The following OPCML variants were observed in gnomAD, a reference collection of about 807,000 sequenced individuals.
OPCML encodes opioid binding protein/cell adhesion molecule like, also known as opioid-binding protein/cell adhesion molecule.
OPCML carries 13 observed loss-of-function variants against 37.8 expected under a neutral mutation model. The ratio of observed to expected loss-of-function variants is 0.34; its 90% CI spans 0.22 to 0.55. OPCML has a LOEUF of 0.55. Ranked by LOEUF, OPCML falls within the 20% of genes least tolerant of loss-of-function variation. The pLI, the probability that OPCML is intolerant of heterozygous loss-of-function variation, is 0.91. For synonymous variants in OPCML, 176 were observed against 168.8 expected, an observed-to-expected ratio of 1.04 and a Z score of -0.33; for missense variants, 341 against 435.6, an observed-to-expected ratio of 0.78 and a Z score of 1.93.
chr11:132,479,475 C>T (rs1445925204), intron 4 of OPCML, among the ~76,000 whole-genome samples: 1 of 152,200 alleles, frequency 6.6e-6, no homozygotes, highest in Admixed American at 6.5e-5. Flanking sequence ...CCCAGGCTTG[C>T]TTAGGTAAAC....
At chr11:133,529,938 C>G (rs1408045856) in intron 1 of OPCML, among the ~76,000 whole-genome samples, 1 of 152,216 alleles carries the variant, frequency 6.6e-6, no homozygotes, top group Non-Finnish European at 1.5e-5. Flanking sequence ...CCGACACCTT[C>G]TAAGGCTAAC....
At chr11:133,426,520 A>G (rs1435146321) in intron 1 of OPCML, among the ~76,000 whole-genome samples, 1 of 152,164 alleles carries the variant, frequency 6.6e-6, no homozygotes, top group Non-Finnish European at 1.5e-5. Flanking sequence ...ATGATAAACC[A>G]GTGAAGGTGC....
chr11:132,472,367 G>C (rs1172947328), intron 4 of OPCML, among the ~76,000 whole-genome samples: 1 of 152,140 alleles, frequency 6.6e-6, no homozygotes, highest in African/African-American at 2.4e-5. Flanking sequence ...ATTCAGGAGA[G>C]AGCCGAGGGT....
intron 2 of OPCML, among the ~76,000 whole-genome samples, chr11:132,725,360 A>G (rs1455436728): frequency 1.3e-5 from 2 of 152,212 alleles, no homozygotes. Flanking sequence ...GCTGGGATCC[A>G]GGGTACCAAG....
rs551737579 is a variant in OPCML, at chr11:132,809,920, G to C, written c.146+133006C>G. ...GCTGGAGTGCAGTGGCGCGATCTCG[G>C]CTCACTGCAGGCTCCGCCTCCCGGG... On this transcript the variant is annotated intron_variant, in intron 2 of 7. Coordinates refer to ENST00000524381, the MANE Select transcript of OPCML (RefSeq NM_001012393.5). Among the ~76,000 whole-genome samples the C allele has an allele frequency of 8.5e-5, 13 of 152,250 alleles. No homozygotes were observed. In the East Asian group the frequency reaches 2.5e-3, roughly 30 times the overall value.
At position 133,304,895 on chromosome 11, in the gene OPCML, T is replaced by C. The variant is rs528808312; in HGVS notation, c.61+227369A>G. ...TGAGTTGATACAAAAGTAAAATTCA[T>C]TCACAACAATTTGCTGTATAGTCAA... On this transcript the variant is annotated intron_variant, in intron 1 of 7. Transcript: ENST00000524381. Among the ~76,000 whole-genome samples, 21 of 152,306 alleles carry C rather than the reference T, an allele frequency of 1.4e-4. No homozygotes were observed. In the East Asian group the frequency reaches 2.7e-3, roughly 20 times the overall value.
In OPCML at chr11:132,665,705, G is replaced by C. The variant is rs916696790; in HGVS notation, c.147-8386C>G. ...AACAAAATAATGAATGATTGAGCTGGTTTCTTCCCAGGCTCCAAGTCACTC... is the reference window on the plus strand; with the variant it reads ...AACAAAATAATGAATGATTGAGCTGCTTTCTTCCCAGGCTCCAAGTCACTC... On this transcript the variant is annotated intron_variant, in intron 2 of 7. Coordinates refer to ENST00000524381, the MANE Select transcript of OPCML (RefSeq NM_001012393.5). Among the ~76,000 whole-genome samples the C allele has an allele frequency of 2.0e-5, 3 of 152,160 alleles. No individual in the cohort carries two copies. In the East Asian group the frequency reaches 5.8e-4, roughly 29 times the overall value.
In OPCML at chr11:133,004,061, G is replaced by A. The variant is rs183440709; in HGVS notation, c.62-61051C>T. On this transcript the variant is annotated intron_variant, in intron 1 of 7. Coordinates refer to ENST00000524381, the MANE Select transcript of OPCML (RefSeq NM_001012393.5). ...AAATGCCAGCTGGGAAGGAGGAAGC[G>A]AAGAGGCAAAGAGCAGGGGCTGGCA... 102 of 985,394 alleles carry A rather than the reference G, an allele frequency of 1.0e-4. No homozygotes were observed. The African/African-American group carries it at 1.4e-3, about 14-fold the overall frequency. 61.0% of individuals were successfully genotyped at this position (985,394 alleles called of 1,614,324 possible).
intron 2 of OPCML, among the ~76,000 whole-genome samples, chr11:132,782,270 C>A (rs1196361967): frequency 6.6e-6 from 1 of 151,280 alleles, no homozygotes; most frequent in Non-Finnish European, 1.5e-5. Flanking sequence ...CCTCCTGTTG[C>A]CAGCTGGGTT....
At chr11:132,599,326 A>G (rs35367692) in intron 3 of OPCML, among the ~76,000 whole-genome samples, 60,759 of 144,538 alleles carry the variant, frequency 0.42, 13,437 homozygotes, top group Middle Eastern at 0.52. Flanking sequence ...GGAGGAGGAG[A>G]AGAAGGAGGA....
At chr11:132,932,388 G>A (rs1273667680) in intron 2 of OPCML, among the ~76,000 whole-genome samples, 1 of 152,130 alleles carries the variant, frequency 6.6e-6, no homozygotes, top group Non-Finnish European at 1.5e-5. Context: ...ACCTAGTGAG[G>A]TGGTGGCTAC....
intron 2 of OPCML, among the ~76,000 whole-genome samples, chr11:132,807,052 G>C (rs944015586): frequency 1.3e-5 from 2 of 152,080 alleles, no homozygotes; most frequent in African/African-American, 4.8e-5. Context: ...GTATAGTTTT[G>C]AAATGCCTGT....
chr11:132,716,412 G>GTCTATCTATCTA (rs61519269), intron 2 of OPCML, among the ~76,000 whole-genome samples: 43 of 104,008 alleles, frequency 4.1e-4, no homozygotes, highest in Admixed American at 1.4e-3. Context: ...CTATCTGTCT[G>GTCTATCTATCTA]TCTATCTATC....
At chr11:133,016,385 T>C (rs1947336046) in intron 1 of OPCML, among the ~76,000 whole-genome samples, 1 of 152,202 alleles carries the variant, frequency 6.6e-6, no homozygotes, top group Non-Finnish European at 1.5e-5. Context: ...GACCATGGGC[T>C]GCTCATGGAC....
intron 1 of OPCML, among the ~76,000 whole-genome samples, chr11:133,110,190 C>T (rs367773505): frequency 3.3e-4 from 51 of 152,256 alleles, no homozygotes; most frequent in African/African-American, 1.2e-3. Flanking sequence ...AGTCAAAAGA[C>T]ATGGATAAAA....
At chr11:132,479,795 C>G (rs558414475) in intron 4 of OPCML, among the ~76,000 whole-genome samples, 2 of 152,288 alleles carry the variant, frequency 1.3e-5, no homozygotes, top group Admixed American at 6.5e-5. Flanking sequence ...GGTACTCCAA[C>G]AGACCTGCAG....
chr11:133,438,214 A>G (rs1433955552), intron 1 of OPCML, among the ~76,000 whole-genome samples: 1 of 152,156 alleles, frequency 6.6e-6, no homozygotes, highest in Non-Finnish European at 1.5e-5. Context: ...TTTTATTCTT[A>G]TGTAAGAGGA....
chr11:133,459,679 A>G (rs1178110162), intron 1 of OPCML, among the ~76,000 whole-genome samples: 3 of 152,084 alleles, frequency 2.0e-5, no homozygotes, highest in Admixed American at 6.6e-5. Flanking sequence ...TTTGCCAACA[A>G]CTATAAGCAT....
At chr11:132,626,468 A>G (rs1377490881) in intron 3 of OPCML, among the ~76,000 whole-genome samples, 1 of 152,196 alleles carries the variant, frequency 6.6e-6, no homozygotes, top group Non-Finnish European at 1.5e-5. Flanking sequence ...TTGGGAAAGA[A>G]ATAAGATTAA....
Sources: allele counts gnomAD v4.1 joint callset (sites outside exome capture counted in the v4.1 genomes callset), GRCh38; gene constraint gnomAD v4.1.1; transcripts MANE v1.5; gene names NCBI Gene and HGNC (gene_info 2026-07-23, HGNC 2026-07-21).